Variants in DTNA observed in about 807,000 individuals in gnomAD.
The protein encoded by DTNA is dystrophin-related protein 3.
In DTNA, 43 loss-of-function variants were observed where a neutral mutation model predicts 100.7. The observed-to-expected ratio is 0.43, with a 90% CI of 0.33 to 0.55. The LOEUF (loss-of-function observed/expected upper bound fraction) is 0.55. Ranked by LOEUF, DTNA falls within the 20% of genes least tolerant of loss-of-function variation. The probability of loss-of-function intolerance (pLI) is 0.04; values close to 1 mark genes in which losing one functional copy is unlikely to be tolerated. For synonymous variants in DTNA, 349 were observed against 347.9 expected (o/e 1.00, Z -0.04); for missense variants, 798 against 953.9 (o/e 0.84, Z 2.15).
intron 1 of DTNA, among the ~76,000 whole-genome samples, chr18:34,671,817 C>T (rs1487140565): frequency 5.9e-5 from 9 of 152,112 alleles, no homozygotes; most frequent in Non-Finnish European, 1.5e-5. Context: ...CACAGTTATA[C>T]CAGATCACAC....
intron 1 of DTNA, among the ~76,000 whole-genome samples, chr18:34,503,451 C>A (rs1417063507): frequency 1.3e-5 from 2 of 151,694 alleles, no homozygotes; most frequent in African/African-American, 4.8e-5. Context: ...TCACACCTGG[C>A]TAATTTTTTG....
intron 1 of DTNA, among the ~76,000 whole-genome samples, chr18:34,673,867 C>G (rs1468819610): frequency 6.6e-6 from 1 of 152,178 alleles, no homozygotes; most frequent in East Asian, 1.9e-4. Context: ...ACCGAATTCT[C>G]TGCTACTATC....
At position 34,680,181 on chromosome 18, in the gene DTNA, A is replaced by AACACAC. The variant is rs201941772; in HGVS notation, c.-1-75786_-1-75781dup. On this transcript the variant is annotated intron_variant, in intron 1 of 19. Coordinates refer to the DTNA transcript ENST00000283365. ...TAAAGTGCTATGTACAGTTAAACACAACACACACACACACTCACATTAAGC... is the reference window on the plus strand; with the variant it reads ...TAAAGTGCTATGTACAGTTAAACACAACACACACACACACACACACTCACATTAAGC... 1.3e-3 allele frequency among the ~76,000 whole-genome samples: 204 copies of AACACAC among 152,028 alleles called. 1 individual carries two copies. The highest frequency in any genetic ancestry group is 4.4e-3 in the African/African-American group (183 of 41,500).
intron 20 of DTNA, among the ~76,000 whole-genome samples, chr18:34,880,257 A>G (rs76961312): frequency 6.6e-6 from 1 of 152,208 alleles, no homozygotes; most frequent in East Asian, 1.9e-4. Flanking sequence ...ACTTATTTGC[A>G]AAAGTTTTCA....
intron 4 of DTNA, among the ~76,000 whole-genome samples, chr18:34,800,035 TA>T (rs1324334584): frequency 2.0e-5 from 3 of 152,208 alleles, no homozygotes; most frequent in African/African-American, 2.4e-5. Flanking sequence ...AAACCAGAGT[TA>T]ATTATGCCTG....
intron 1 of DTNA, chr18:34,662,986 TA>T (rs796144911): frequency 2.0e-5 from 3 of 152,250 alleles, no homozygotes; most frequent in African/African-American, 7.2e-5. Context: ...TAATGGTAAG[TA>T]AAACTGCTGG....
intron 1 of DTNA, among the ~76,000 whole-genome samples, chr18:34,614,284 G>T (rs75940626): frequency 6.6e-6 from 1 of 152,190 alleles, no homozygotes; most frequent in Non-Finnish European, 1.5e-5. Flanking sequence ...GCATCCAGGA[G>T]CTCTGATGGA....
intron 4 of DTNA, among the ~76,000 whole-genome samples, chr18:34,800,858 C>T (rs1024445034): frequency 1.3e-5 from 2 of 152,114 alleles, no homozygotes; most frequent in African/African-American, 4.8e-5. Context: ...GTTGTTTTAT[C>T]TTCTTGTCAA....
chr18:34,813,333 G>C (rs971608822), intron 6 of DTNA, among the ~76,000 whole-genome samples: 1 of 151,866 alleles, frequency 6.6e-6, no homozygotes, highest in Non-Finnish European at 1.5e-5. Context: ...GCCAGGCATG[G>C]TGGTACATGC....
chr18:34,601,695 T>C (rs762516363), intron 1 of DTNA, among the ~76,000 whole-genome samples: 1 of 152,244 alleles, frequency 6.6e-6, no homozygotes, highest in Non-Finnish European at 1.5e-5. Flanking sequence ...GTTTACATCT[T>C]TTGGCTCTTA....
chr18:34,585,384 A>G (rs202180147), intron 1 of DTNA, among the ~76,000 whole-genome samples: 9 of 152,228 alleles, frequency 5.9e-5, no homozygotes, highest in African/African-American at 1.7e-4. Context: ...GATGCAACTA[A>G]TATCAGGAAA....
At chr18:34,695,955 T>C (rs2080472875) in intron 1 of DTNA, among the ~76,000 whole-genome samples, 1 of 152,202 alleles carries the variant, frequency 6.6e-6, no homozygotes, top group African/African-American at 2.4e-5. Flanking sequence ...TTTTCCCTTT[T>C]CAAAGGCTCT....
intron 13 of DTNA, among the ~76,000 whole-genome samples, chr18:34,846,016 C>T (rs1042187741): frequency 1.3e-5 from 2 of 152,044 alleles, no homozygotes; most frequent in Non-Finnish European, 2.9e-5. Flanking sequence ...TCTTTTATAT[C>T]GTTTATATTT....
chr18:34,652,723 A>G (rs1568126705), intron 1 of DTNA, among the ~76,000 whole-genome samples: 1 of 152,252 alleles, frequency 6.6e-6, no homozygotes, highest in East Asian at 1.9e-4. Flanking sequence ...AAGTCCTAAT[A>G]TCCTAAACGT....
intron 1 of DTNA, among the ~76,000 whole-genome samples, chr18:34,591,685 G>A (rs754587603): frequency 1.1e-4 from 16 of 152,080 alleles, no homozygotes; most frequent in African/African-American, 4.8e-5. Flanking sequence ...TAGAATGCCC[G>A]TCTATCAGCA....
intron 9 of DTNA, 134 bp from the exon 10 acceptor site, chr18:34,827,459 T>G: frequency 3.7e-6 from 3 of 805,512 alleles, no homozygotes; most frequent in Non-Finnish European, 6.5e-6. Flanking sequence ...TTGGAAAATA[T>G]AAGATTTCTT....
intron 4 of DTNA, among the ~76,000 whole-genome samples, chr18:34,798,600 A>T (rs1057259705): frequency 6.6e-6 from 1 of 152,216 alleles, no homozygotes; most frequent in African/African-American, 2.4e-5. Context: ...CATAAAGTAG[A>T]TTATGTGACT....
At chr18:34,682,436 G>A (rs1401486405) in intron 1 of DTNA, among the ~76,000 whole-genome samples, 2 of 152,136 alleles carry the variant, frequency 1.3e-5, no homozygotes, top group Admixed American at 6.6e-5. Context: ...GTTTAGTTTT[G>A]TAAGAAACTG....
At chr18:34,692,454 C>A (rs1355166517) in intron 1 of DTNA, among the ~76,000 whole-genome samples, 2 of 152,144 alleles carry the variant, frequency 1.3e-5, no homozygotes, top group African/African-American at 2.4e-5. Flanking sequence ...TGGTAAGTGG[C>A]AGAATGAGAA....
Sources: allele counts gnomAD v4.1 joint callset (sites outside exome capture counted in the v4.1 genomes callset), GRCh38; gene constraint gnomAD v4.1.1; transcripts MANE v1.5; gene names NCBI Gene and HGNC (gene_info 2026-07-23, HGNC 2026-07-21).